Variants in TAAR2 observed in about 807,000 individuals in gnomAD.
TAAR2 encodes trace amine associated receptor 2, also known as trace amine-associated receptor 2.
A neutral mutation model predicts 25.5 loss-of-function variants in TAAR2; 30 were observed. The observed-to-expected ratio is 1.18, with a 90% confidence interval of 0.88 to 1.60. TAAR2 has a LOEUF of 1.60. Among genes scored for constraint, TAAR2 ranks in the 40% most tolerant of loss-of-function variants. The pLI is 0.00. For missense variants in TAAR2, 481 were observed against 416.5 expected (o/e 1.15, Z -1.35); for synonymous variants, 150 against 142.4 (o/e 1.05, Z -0.38).
intron 1 of TAAR2, 152 bp from the exon 2 acceptor site, chr6:132,618,297 T>C (rs1044491150): frequency 7.5e-6 from 6 of 802,250 alleles, no homozygotes; most frequent in Non-Finnish European, 1.1e-5. Flanking sequence ...CATTTACTTA[T>C]TTTAATCTTT....
In TAAR2 at chr6:132,617,347, A is replaced by G. The variant is rs1296881171; in HGVS notation, c.859T>C (p.Phe287Leu). ...ACTACAGGAGTAGAGAAGTTCAAAA[A>G]GGGATCCAATAAAATTGTGAAGAAA... ...PCFFTILLDP[F>L]LNFSTPVVLF... Residue 287 changes from phenylalanine to leucine, a missense_variant, in exon 2 of 2, where the codon TTT (phenylalanine) becomes CTT (leucine). Physicochemically the swap from Phe to Leu is conservative, Grantham distance 22. Coordinates refer to ENST00000367931, the MANE Select transcript of TAAR2 (RefSeq NM_001033080.1). 1 of 1,613,676 alleles carries G rather than the reference A, an allele frequency of 6.2e-7. No individual in the cohort carries two copies. The highest frequency in any genetic ancestry group is 2.2e-5 in the East Asian group (1 of 44,742).
In TAAR2 at chr6:132,617,948, G is replaced by A. The variant is rs1387895340; in HGVS notation, c.258C>T (p.Ala86=). Residue 86 remains alanine (A), a synonymous_variant, in exon 2 of 2, where the codon GCC becomes GCT. Transcript: ENST00000367931. The stretch of plus-strand genomic sequence containing the variant: ...TGAATCCCAGGAGGAAATCAGTGAT[G>A]GCCATGGAGAGGATGAGGAAGTTGG... ...TPTNFLILSM[A]ITDFLLGFTI... is the part of the protein sequence containing the mutation. The A allele has an allele frequency of 6.2e-7, 1 of 1,614,024 alleles. No individual in the cohort carries two copies. Among genetic ancestry groups the A allele is most frequent in the Non-Finnish European group, 8.5e-7 (1 of 1,179,970 alleles).
Position 132,617,373 on chromosome 6 carries a change from C to T in TAAR2, c.833G>A (p.Cys278Tyr), listed in dbSNP as rs758243384. Reference sequence around the variant, plus strand: ...GGGATCCAATAAAATTGTGAAGAAACAAGGAAACCAACATAATAAGAAAAC... The same window carrying T: ...GGGATCCAATAAAATTGTGAAGAAATAAGGAAACCAACATAATAAGAAAAC... The part of the protein sequence containing the change: ...IGVFLLCWFP[C>Y]FFTILLDPFL... Residue 278 changes from cysteine to tyrosine, a missense_variant, in exon 2 of 2, where the codon TGT becomes TAT. By Grantham distance (194) the Cys-to-Tyr change is radical (BLOSUM62 -2). Transcript: ENST00000367931. 6.2e-6 allele frequency: 10 copies of T among 1,613,650 alleles called. No homozygotes were observed. The highest frequency in any genetic ancestry group is 7.6e-6 in the Non-Finnish European group (9 of 1,179,808).
At chr6:132,623,026 C>T (rs777016269) in intron 1 of TAAR2, among the ~76,000 whole-genome samples, 3 of 152,152 alleles carry the variant, frequency 2.0e-5, no homozygotes, top group African/African-American at 7.2e-5. Context: ...AAGCTACTTT[C>T]TTTCCCTCCC....
At chr6:132,623,764 G>A (rs1226861235) in intron 1 of TAAR2, among the ~76,000 whole-genome samples, 3 of 150,968 alleles carry the variant, frequency 2.0e-5, no homozygotes, top group African/African-American at 7.3e-5. Flanking sequence ...AGCTCAATGA[G>A]CTTAAACCAC....
chr6:132,623,817 C>T (rs1777408718), intron 1 of TAAR2, among the ~76,000 whole-genome samples: 1 of 151,904 alleles, frequency 6.6e-6, no homozygotes, highest in African/African-American at 2.4e-5. Context: ...AAGATTTTAT[C>T]ACCTACAGCA....
Position 132,617,573 on chromosome 6 carries a change from G to A in TAAR2, c.633C>T (p.Thr211=), listed in dbSNP as rs1777313079. 6.2e-7 allele frequency: 1 copy of A among 1,613,986 alleles called. No individual in the cohort carries two copies. The highest frequency in any genetic ancestry group is 1.1e-5 in the South Asian group (1 of 91,080). Residue 211 remains threonine (T), a synonymous_variant, in exon 2 of 2, where the codon ACC becomes ACT. Coordinates refer to ENST00000367931, the MANE Select transcript of TAAR2 (RefSeq NM_001033080.1). The stretch of plus-strand genomic sequence containing the variant: ...TGAAGAAACCTGCCATAAACAAGGT[G>A]GTCCCCCATAGCTTGTTGAACATCA... ...CPVMFNKLWG[T]TLFMAGFFTP...
At chr6:132,621,362 G>A (rs927443231) in intron 1 of TAAR2, among the ~76,000 whole-genome samples, 7 of 151,906 alleles carry the variant, frequency 4.6e-5, no homozygotes, top group South Asian at 2.1e-4. Context: ...CCACCTTCTA[G>A]GTTTTAAGAC....
At chr6:132,622,973 T>C (rs1360751981) in intron 1 of TAAR2, among the ~76,000 whole-genome samples, 1 of 152,184 alleles carries the variant, frequency 6.6e-6, no homozygotes, top group African/African-American at 2.4e-5. Flanking sequence ...ATAATATGAA[T>C]AGGCTTAGCG....
chr6:132,624,097 C>T, intron 1 of TAAR2, 119 bp downstream of exon 1: 1 of 966,464 alleles, frequency 1.0e-6, no homozygotes, highest in East Asian at 2.6e-5. Flanking sequence ...ATTTCATCAA[C>T]CCTTTTAGAT....
Position 132,617,461 on chromosome 6 carries a change from T to C in TAAR2, c.745A>G (p.Asn249Asp). Reference protein sequence around the residue: ...HAHAINNLRENQNNQVKKDKK... With the variant: ...HAHAINNLREDQNNQVKKDKK... Reference sequence around the variant, plus strand: ...TCTTTCTTCACTTGATTATTTTGATTTTCTCGCAAGTTATTGATGGCATGA... The same window carrying C: ...TCTTTCTTCACTTGATTATTTTGATCTTCTCGCAAGTTATTGATGGCATGA... The change falls in exon 2 of 2, where the codon AAT (asparagine) becomes GAT (aspartate). Residue 249 changes from asparagine to aspartate, a missense_variant. By Grantham distance (23) the Asn-to-Asp change is conservative. Coordinates refer to ENST00000367931, the MANE Select transcript of TAAR2 (RefSeq NM_001033080.1). 6.2e-7 allele frequency: 1 copy of C among 1,613,792 alleles called. No individual in the cohort carries two copies.
At position 132,622,478 on chromosome 6, in the gene TAAR2, C is replaced by CTTTTTTTTTTTTT. The variant is rs1156767001; in HGVS notation, c.60+1725_60+1737dup. Among the ~76,000 whole-genome samples the CTTTTTTTTTTTTT allele has an allele frequency of 7.5e-4, 43 of 57,400 alleles. 4 individuals are homozygous for CTTTTTTTTTTTTT. The highest frequency in any genetic ancestry group is 2.7e-3 in the African/African-American group (34 of 12,384). The allele number at this position is 57,400 out of a possible 152,430, so 37.7% of individuals were successfully genotyped here. Reference sequence around the variant, plus strand: ...AAATATTCCTCTGCTTTAGTAACCACTTTTTTTTTTTTTTTTTTTTTTTTT... The same window carrying CTTTTTTTTTTTTT: ...AAATATTCCTCTGCTTTAGTAACCACTTTTTTTTTTTTTTTTTTTTTTTTTTTTTTTTTTTTTT... On this transcript the variant is annotated intron_variant, in intron 1 of 1. Transcript: ENST00000367931.
chr6:132,621,615 C>CG (rs1777376279), intron 1 of TAAR2, among the ~76,000 whole-genome samples: 1 of 700 alleles, frequency 1.4e-3, no homozygotes, highest in Admixed American at 0.023. Flanking sequence ...AATCATCTTG[C>CG]ACCCACTCTT....
intron 1 of TAAR2, among the ~76,000 whole-genome samples, chr6:132,621,464 G>T (rs1411851073): frequency 6.6e-6 from 1 of 151,832 alleles, no homozygotes; most frequent in Admixed American, 6.6e-5. Context: ...CCCTCCCTGT[G>T]TCCACGTGTA....
intron 1 of TAAR2, 142 bp downstream of exon 1, chr6:132,624,074 A>G: frequency 2.5e-6 from 2 of 811,048 alleles, no homozygotes; most frequent in South Asian, 3.7e-5. Flanking sequence ...GATAAATGTG[A>G]TTAAAAGAAC....
At chr6:132,620,535 A>G (rs1777357912) in intron 1 of TAAR2, among the ~76,000 whole-genome samples, 1 of 152,198 alleles carries the variant, frequency 6.6e-6, no homozygotes. Flanking sequence ...CAAATACTGC[A>G]TGCTCTCACT....
In TAAR2 at chr6:132,617,941, C is replaced by T. The variant is rs1329705099; in HGVS notation, c.265G>A (p.Asp89Asn). Residue 89 changes from aspartate (D) to asparagine (N), a missense_variant, in exon 2 of 2, where the codon GAT (aspartate) becomes AAT (asparagine). Coordinates refer to ENST00000367931, the MANE Select transcript of TAAR2 (RefSeq NM_001033080.1). ...ATGATGGTGAATCCCAGGAGGAAAT[C>T]AGTGATGGCCATGGAGAGGATGAGG... ...NFLILSMAIT[D>N]FLLGFTIMPY... The T allele has an allele frequency of 1.2e-6, 2 of 1,613,954 alleles. No homozygotes were observed. Among genetic ancestry groups the T allele is most frequent in the Non-Finnish European group, 1.7e-6 (2 of 1,179,952 alleles).
At chr6:132,618,216 G>T in intron 1 of TAAR2, 71 bp from the exon 2 acceptor site, 1 of 1,386,328 alleles carries the variant, frequency 7.2e-7, no homozygotes, top group Non-Finnish European at 9.7e-7. Flanking sequence ...TGCTTTCATA[G>T]AAAAACTCAA....
chr6:132,618,271 T>C, intron 1 of TAAR2, 126 bp from the exon 2 acceptor site: 4 of 871,804 alleles, frequency 4.6e-6, no homozygotes, highest in Non-Finnish European at 6.8e-6. Flanking sequence ...GCTGTAATAT[T>C]ACTCATGATC....
Sources: gnomAD v4.1 joint callset for allele counts (sites outside exome capture counted in the v4.1 genomes callset) on GRCh38, gnomAD v4.1.1 for gene constraint, MANE v1.5 for transcripts, NCBI Gene and HGNC (gene_info 2026-07-23, HGNC 2026-07-21) for gene names.